TMEM131: variants seen among roughly 807,000 people sequenced by gnomAD.
TMEM131 encodes 2610524E03Rik.
Under a neutral mutation model 211.6 loss-of-function variants are expected in TMEM131, and 66 were observed. The ratio of observed to expected loss-of-function variants is 0.31; its 90% CI spans 0.26 to 0.38. The LOEUF is 0.38. Among genes scored for constraint, TMEM131 ranks in the 10% least tolerant of loss-of-function variants. The pLI is 1.00. For synonymous variants in TMEM131, 844 were observed against 841.3 expected (o/e 1.00, Z -0.06); for missense variants, 2,036 against 2,299.3 (o/e 0.89, Z 2.34).
chr2:97,783,355 T>TG (rs1680102762), intron 31 of TMEM131, among the ~76,000 whole-genome samples: 1 of 152,010 alleles, frequency 6.6e-6, no homozygotes, highest in South Asian at 2.1e-4. Context: ...GAAGGAACCT[T>TG]GGAGGATTAG....
In TMEM131 at chr2:97,804,111, T is replaced by A. The variant is rs1681168362; in HGVS notation, c.2402+977A>T. On this transcript the variant is annotated intron_variant, in intron 22 of 40. Transcript: ENST00000186436. ...CTCTTAAATGGGAATATCCTGATAC[T>A]AACAAATATATTTCAAATTAGCAGC... Among the ~76,000 whole-genome samples, 3 of 152,236 alleles carry A rather than the reference T, an allele frequency of 2.0e-5. No homozygotes were observed. In the South Asian group the frequency reaches 6.2e-4, roughly 32 times the overall value.
At chr2:97,949,257 C>A (rs570804962) in intron 1 of TMEM131, among the ~76,000 whole-genome samples, 16 of 152,204 alleles carry the variant, frequency 1.1e-4, no homozygotes, top group African/African-American at 3.9e-4. Flanking sequence ...AGGGAGACAA[C>A]AGAAGAGTAA....
At chr2:97,819,746 G>A (rs1385654120) in intron 11 of TMEM131, among the ~76,000 whole-genome samples, 3 of 152,204 alleles carry the variant, frequency 2.0e-5, no homozygotes, top group South Asian at 4.1e-4. Context: ...GCTATTTCCC[G>A]GAGAAAAGAA....
At chr2:97,823,930 G>A (rs1340518300) in intron 11 of TMEM131, among the ~76,000 whole-genome samples, 2 of 152,090 alleles carry the variant, frequency 1.3e-5, no homozygotes, top group African/African-American at 4.8e-5. Context: ...AAAATCTGGA[G>A]GCATTATTAA....
chr2:97,839,917 G>A (rs1360038008), intron 7 of TMEM131, among the ~76,000 whole-genome samples: 1 of 152,152 alleles, frequency 6.6e-6, no homozygotes, highest in Non-Finnish European at 1.5e-5. Flanking sequence ...TCAAAGGGAC[G>A]TTTTTGCTTC....
At chr2:97,974,301 A>T (rs1679432059) in intron 1 of TMEM131, among the ~76,000 whole-genome samples, 1 of 152,204 alleles carries the variant, frequency 6.6e-6, no homozygotes, top group Admixed American at 6.5e-5. Flanking sequence ...TGGAACACGC[A>T]GGAAAAGATC....
chr2:97,977,738 T>C (rs1573643029), intron 1 of TMEM131, among the ~76,000 whole-genome samples: 1 of 152,172 alleles, frequency 6.6e-6, no homozygotes, highest in Non-Finnish European at 1.5e-5. Context: ...TGCCTCAAGG[T>C]TGATCAGGAT....
intron 11 of TMEM131, among the ~76,000 whole-genome samples, chr2:97,820,227 G>C (rs562715134): frequency 4.6e-5 from 7 of 152,210 alleles, no homozygotes; most frequent in African/African-American, 1.2e-4. Context: ...GCTGGGGCTG[G>C]GAATGATTTG....
rs147877460 is a variant in TMEM131, at chr2:97,951,180, A to C, written c.188-23693T>G. Among the ~76,000 whole-genome samples the C allele has an allele frequency of 5.7e-3, 865 of 152,320 alleles. 7 individuals carry two copies. The highest frequency in any genetic ancestry group is 0.019 in the African/African-American group (807 of 41,574). ...TTTAAGTGAAAATAAGGATTTAAGG[A>C]AGTTAGAAAAACATGGAGTCAGTTA... On this transcript the variant is annotated intron_variant, in intron 1 of 40. Coordinates refer to ENST00000186436, the MANE Select transcript of TMEM131 (RefSeq NM_015348.2).
chr2:97,960,174 T>G (rs1421972469), intron 1 of TMEM131, among the ~76,000 whole-genome samples: 1 of 152,138 alleles, frequency 6.6e-6, no homozygotes, highest in African/African-American at 2.4e-5. Context: ...AAAAGAATTT[T>G]GAGATAGTAC....
chr2:97,762,401 G>A, intron 35 of TMEM131: 1 of 521,524 alleles, frequency 1.9e-6, no homozygotes, highest in Admixed American at 3.6e-5. Flanking sequence ...TTTGAGGGGA[G>A]CAAGAGCGTG....
At chr2:97,871,548 G>C (rs968620005) in intron 4 of TMEM131, among the ~76,000 whole-genome samples, 5 of 152,148 alleles carry the variant, frequency 3.3e-5, no homozygotes, top group African/African-American at 1.2e-4. Context: ...TTGGTCTTTT[G>C]AGAGATCCTT....
chr2:97,888,425 C>T (rs986724521), intron 3 of TMEM131, among the ~76,000 whole-genome samples: 1 of 152,106 alleles, frequency 6.6e-6, no homozygotes, highest in Non-Finnish European at 1.5e-5. Context: ...TTTAATAGGT[C>T]GCTTGGATTT....
intron 1 of TMEM131, among the ~76,000 whole-genome samples, chr2:97,936,064 T>C (rs1182611453): frequency 6.6e-6 from 1 of 152,164 alleles, no homozygotes; most frequent in African/African-American, 2.4e-5. Context: ...TGAGTCCCAG[T>C]GAGGCCCCAC....
intron 4 of TMEM131, chr2:97,887,820 G>C: frequency 2.4e-6 from 1 of 411,456 alleles, no homozygotes; most frequent in East Asian, 3.6e-5. Context: ...CTGAACCAGA[G>C]ACTACAACAA....
intron 3 of TMEM131, among the ~76,000 whole-genome samples, chr2:97,898,321 T>A (rs189136938): frequency 6.6e-6 from 1 of 152,108 alleles, no homozygotes; most frequent in African/African-American, 2.4e-5. Context: ...TCCAGAAAAC[T>A]TGGTATGTTG....
intron 2 of TMEM131, among the ~76,000 whole-genome samples, chr2:97,921,570 C>T (rs1341235762): frequency 6.6e-6 from 1 of 152,150 alleles, no homozygotes; most frequent in Non-Finnish European, 1.5e-5. Flanking sequence ...GCAATCCATC[C>T]AGTGAGAGAA....
At chr2:97,812,885 T>C (rs373738055) in intron 15 of TMEM131, 136 bp from the exon 16 acceptor site, 3 of 470,800 alleles carry the variant, frequency 6.4e-6, no homozygotes, top group Non-Finnish European at 1.1e-5. Flanking sequence ...GCACCTATAA[T>C]CCCAGCTACT....
At position 97,757,367 on chromosome 2, in the gene TMEM131, G is replaced by A; in HGVS notation, c.5384C>T (p.Thr1795Ile). The A allele has an allele frequency of 6.2e-7, 1 of 1,605,212 alleles. No homozygotes were observed. Among genetic ancestry groups the A allele is most frequent in the Non-Finnish European group, 8.5e-7 (1 of 1,174,138 alleles). ...TGGAGTGGTGGACCACAGGCCGCTG[G>A]TGTTACCGAGGACCGACTGCGACAA... Reference protein sequence around the residue: ...THTATSVLGNTSGLWSTTPFS... With the variant: ...THTATSVLGNISGLWSTTPFS... Residue 1795 changes from threonine to isoleucine, a missense_variant, in exon 41 of 41, where the codon ACC (threonine) becomes ATC (isoleucine). Coordinates refer to ENST00000186436, the MANE Select transcript of TMEM131 (RefSeq NM_015348.2).
Sources: allele counts gnomAD v4.1 joint callset (sites outside exome capture counted in the v4.1 genomes callset), GRCh38; gene constraint gnomAD v4.1.1; transcripts MANE v1.5; gene names NCBI Gene and HGNC (gene_info 2026-07-23, HGNC 2026-07-21).